The following TAS2R1 variants were observed in gnomAD, a reference collection of about 807,000 sequenced individuals.
TAS2R1 encodes the protein taste receptor type 2 member 1.
For missense variants in TAS2R1, 370 were observed against 353.4 expected, an observed-to-expected ratio of 1.05 and a Z score of -0.38; for synonymous variants, 141 against 134.2, an observed-to-expected ratio of 1.05 and a Z score of -0.35.
the TAS2R1 span, among the ~76,000 whole-genome samples, chr5:9,829,490 T>C: frequency 5.3e-5 from 8 of 152,326 alleles, no homozygotes; most frequent in African/African-American, 1.9e-4. Context: ...ATTTGACCAA[T>C]GACCAAAATC....
chr5:9,662,193 C>A (rs1740551560), intron 1 of TAS2R1, among the ~76,000 whole-genome samples: 1 of 152,200 alleles, frequency 6.6e-6, no homozygotes, highest in African/African-American at 2.4e-5. Flanking sequence ...AAAATCTACT[C>A]CTTGATGAGA....
the TAS2R1 span, among the ~76,000 whole-genome samples, chr5:9,843,226 C>A: frequency 3.3e-5 from 5 of 152,178 alleles, no homozygotes; most frequent in South Asian, 1.0e-3. Context: ...GTTGCTTCAG[C>A]AGTTCTTCCA....
chr5:9,640,935 G>A (rs1740069959), intron 2 of TAS2R1, among the ~76,000 whole-genome samples: 1 of 152,182 alleles, frequency 6.6e-6, no homozygotes, highest in South Asian at 2.1e-4. Flanking sequence ...CCCAGACCAT[G>A]ACACCAGCAT....
chr5:9,707,555 T>C (rs1428700790), intron 1 of TAS2R1, among the ~76,000 whole-genome samples: 2 of 152,074 alleles, frequency 1.3e-5, no homozygotes, highest in African/African-American at 4.8e-5. Context: ...TGGTGGTGTG[T>C]GCCTGTAGTC....
chr5:9,871,886 T>C, the TAS2R1 span, among the ~76,000 whole-genome samples: 2 of 152,158 alleles, frequency 1.3e-5, no homozygotes, highest in African/African-American at 4.8e-5. Context: ...AATTTACCTA[T>C]TGCTAGCAAA....
chr5:9,641,007 C>A (rs188957872), intron 2 of TAS2R1, among the ~76,000 whole-genome samples: 1 of 151,954 alleles, frequency 6.6e-6, no homozygotes, highest in Non-Finnish European at 1.5e-5. Flanking sequence ...CCGTGGTGTG[C>A]GCCTTCAGCA....
In TAS2R1 at chr5:9,681,325, C is replaced by A. The variant is rs988550194; in HGVS notation, c.-241-21744G>T. 4.6e-5 allele frequency among the ~76,000 whole-genome samples: 7 copies of A among 151,582 alleles called. No homozygotes were observed. The South Asian group carries it at 1.5e-3, about 31-fold the overall frequency. The stretch of plus-strand genomic sequence containing the variant: ...CCTCTGTAATATCGTCTAAATGATT[C>A]TTTAAATCTAAAAACATCCTAAAAA... On this transcript the variant is annotated intron_variant, in intron 1 of 2. Transcript: ENST00000506620.
At chr5:9,866,323 C>T in the TAS2R1 span, among the ~76,000 whole-genome samples, 3 of 152,040 alleles carry the variant, frequency 2.0e-5, no homozygotes, top group Non-Finnish European at 4.4e-5. Flanking sequence ...ATTTAATATC[C>T]ATGTACAATA....
chr5:9,731,673 A>G, the TAS2R1 span, among the ~76,000 whole-genome samples: 2 of 152,228 alleles, frequency 1.3e-5, no homozygotes, highest in African/African-American at 4.8e-5. Context: ...TCTTCTGGAA[A>G]GTATTCCTGG....
At chr5:9,816,938 T>C in the TAS2R1 span, among the ~76,000 whole-genome samples, 2 of 152,334 alleles carry the variant, frequency 1.3e-5, no homozygotes, top group African/African-American at 4.8e-5. Flanking sequence ...CAGCGGTCTT[T>C]TAAATTTCAT....
chr5:9,766,820 G>C, the TAS2R1 span, among the ~76,000 whole-genome samples: 1 of 152,202 alleles, frequency 6.6e-6, no homozygotes, highest in Non-Finnish European at 1.5e-5. Flanking sequence ...AGCATACAGA[G>C]AGGGAGGGAG....
chr5:9,871,396 T>C, the TAS2R1 span, among the ~76,000 whole-genome samples: 1 of 152,216 alleles, frequency 6.6e-6, no homozygotes, highest in Non-Finnish European at 1.5e-5. Context: ...GCCAATGCCA[T>C]AATTACTATT....
At chr5:9,759,598 C>A in the TAS2R1 span, among the ~76,000 whole-genome samples, 12 of 152,164 alleles carry the variant, frequency 7.9e-5, no homozygotes, top group African/African-American at 2.9e-4. Context: ...TGAACAAAAA[C>A]CAGTTATGAC....
the TAS2R1 span, among the ~76,000 whole-genome samples, chr5:9,790,319 T>G: frequency 2.0e-5 from 3 of 152,232 alleles, no homozygotes; most frequent in Non-Finnish European, 4.4e-5. Flanking sequence ...TAATTTTTAC[T>G]TTAAATGCCA....
upstream of TAS2R1, among the ~76,000 whole-genome samples, chr5:9,633,313 T>TATATATATATATATATATATATA (rs1254101852): frequency 3.1e-5 from 4 of 129,014 alleles, no homozygotes; most frequent in African/African-American, 1.3e-4. Flanking sequence ...TATATATATA[T>TATATATATATATATATATATATA]ATATATACAC....
chr5:9,842,312 C>CT, the TAS2R1 span, among the ~76,000 whole-genome samples: 856 of 120,280 alleles, frequency 7.1e-3, 31 homozygotes, highest in Non-Finnish European at 9.5e-3. Flanking sequence ...GTCTTTCTTT[C>CT]TCTCTTTTTT....
At chr5:9,802,534 AAAAGATCATAGGTCC>A in the TAS2R1 span, among the ~76,000 whole-genome samples, 1 of 152,292 alleles carries the variant, frequency 6.6e-6, no homozygotes, top group Non-Finnish European at 1.5e-5. Context: ...TATCACCCCC[AAAAGATCATAGGTCC>A]AAAGATCTAT....
intron 2 of TAS2R1, among the ~76,000 whole-genome samples, chr5:9,645,198 T>C (rs555946616): frequency 3.9e-5 from 6 of 152,274 alleles, no homozygotes; most frequent in East Asian, 1.9e-4. Flanking sequence ...CGCTAAACAA[T>C]TGAAAGGCAT....
the TAS2R1 span, among the ~76,000 whole-genome samples, chr5:9,804,311 C>G: frequency 1.3e-5 from 2 of 152,038 alleles, no homozygotes; most frequent in Non-Finnish European, 2.9e-5. Context: ...CTTTAATACT[C>G]CACTGACAGC....
Sources: gnomAD v4.1 joint callset for allele counts (sites outside exome capture counted in the v4.1 genomes callset) on GRCh38, gnomAD v4.1.1 for gene constraint, MANE v1.5 for transcripts, NCBI Gene and HGNC (gene_info 2026-07-23, HGNC 2026-07-21) for gene names.